The following PRKAB1 variants were observed in gnomAD, a reference collection of about 807,000 sequenced individuals.
The protein encoded by PRKAB1 is protein kinase AMP-activated non-catalytic subunit beta 1.
PRKAB1 carries 18 observed loss-of-function variants against 32.0 expected under a neutral mutation model. That is an observed-to-expected ratio of 0.56 (90% CI 0.39 to 0.83). PRKAB1 has a LOEUF of 0.83. PRKAB1 is among the 40% of genes least tolerant of loss of function. The pLI, the probability that PRKAB1 is intolerant of heterozygous loss-of-function variation, is 0.00. For missense variants in PRKAB1, 263 were observed against 352.6 expected, an observed-to-expected ratio of 0.75 and a Z score of 2.03; for synonymous variants, 141 against 141.4, an observed-to-expected ratio of 1.00 and a Z score of 0.02.
chr12:119,668,534 T>C (rs1426699999), intron 1 of PRKAB1, 131 bp downstream of exon 1: 5 of 1,265,046 alleles, frequency 4.0e-6, no homozygotes, highest in Non-Finnish European at 5.4e-6. Context: ...CCCGGTGCAC[T>C]TAAAAGCCAG....
intron 4 of PRKAB1, among the ~76,000 whole-genome samples, chr12:119,676,197 C>A (rs1955422754): frequency 6.6e-6 from 1 of 152,168 alleles, no homozygotes; most frequent in Non-Finnish European, 1.5e-5. Context: ...GTTTTGCCAG[C>A]CCAGCCTGAA....
intron 5 of PRKAB1, among the ~76,000 whole-genome samples, chr12:119,677,158 T>G (rs951097774): frequency 6.6e-6 from 1 of 152,234 alleles, no homozygotes; most frequent in Non-Finnish European, 1.5e-5. Flanking sequence ...CCAGTTCTGT[T>G]GTGATTCTGT....
chr12:119,675,636 T>TCTA (rs1466624715), intron 4 of PRKAB1, among the ~76,000 whole-genome samples: 1 of 152,252 alleles, frequency 6.6e-6, no homozygotes, highest in African/African-American at 2.4e-5. Flanking sequence ...GACTTCTGTT[T>TCTA]CGACACTTAC....
chr12:119,676,496 C>T, intron 4 of PRKAB1, 41 bp from the exon 5 acceptor site: 4 of 1,548,490 alleles, frequency 2.6e-6, no homozygotes, highest in Non-Finnish European at 3.5e-6. Context: ...TCCTAGAATG[C>T]CTGATTTTCA....
Position 119,679,774 on chromosome 12 carries a change from C to A in PRKAB1, c.667-159C>A. On this transcript the variant is annotated intron_variant, in intron 5 of 6. Coordinates refer to ENST00000229328, the MANE Select transcript of PRKAB1 (RefSeq NM_006253.5). The surrounding 1 kb of genome is among the most constrained non-coding windows in gnomAD (Gnocchi z 4.1). The stretch of plus-strand genomic sequence containing the variant: ...AGGTCAGAAGGCGTGACCTTCATCT[C>A]ACCTGTCGTCTTGGACAAGCCCTTG... 1.4e-6 allele frequency: 1 copy of A among 712,460 alleles called. No individual in the cohort carries two copies. Among genetic ancestry groups the A allele is most frequent in the African/African-American group, 1.7e-5 (1 of 57,756 alleles). 44.1% of individuals were successfully genotyped at this position (712,460 alleles called of 1,614,324 possible).
intron 1 of PRKAB1, chr12:119,671,520 C>T: frequency 2.4e-6 from 1 of 410,702 alleles, no homozygotes; most frequent in Non-Finnish European, 5.0e-6. Context: ...TGAGAGCAAG[C>T]AGGGGAAATG....
At position 119,680,729 on chromosome 12, in the gene PRKAB1, T is replaced by C; in HGVS notation, c.*404T>C. ...AAACAGGGACTGAGGCCACACATCATTTCCAGTCATCTGTGTGTTTTTAAG... is the reference window on the plus strand; with the variant it reads ...AAACAGGGACTGAGGCCACACATCACTTCCAGTCATCTGTGTGTTTTTAAG... On this transcript the variant is annotated 3_prime_UTR_variant, in exon 7 of 7. Transcript: ENST00000229328. 1 of 187,362 alleles carries C rather than the reference T, an allele frequency of 5.3e-6. No homozygotes were observed. Among genetic ancestry groups the C allele is most frequent in the African/African-American group, 2.3e-5 (1 of 42,930 alleles). The allele number at this position is 187,362 out of a possible 1,614,324, so 11.6% of individuals were successfully genotyped here. A position where few individuals can be genotyped will look rare whatever the true frequency, so the allele number is the denominator to read the frequency against.
chr12:119,681,008 G>GA lies in PRKAB1; in HGVS notation c.*685dup, dbSNP rs1285709185. 6.6e-6 allele frequency: 1 copy of GA among 152,666 alleles called. No homozygotes were observed. The highest frequency in any genetic ancestry group is 1.9e-4 in the East Asian group (1 of 5,200). 9.5% of individuals were successfully genotyped at this position (152,666 alleles called of 1,614,324 possible). ...GCCATTTTTTAAGTCACCACGTCTA[G>GA]AAGTCACATGAACTCTGCTCAGCAA... On this transcript the variant is annotated 3_prime_UTR_variant, in exon 7 of 7. Transcript: ENST00000229328.
rs1381594893 is a variant in PRKAB1 at position 119,680,762 on chromosome 12, A to G, written c.*437A>G. On this transcript the variant is annotated 3_prime_UTR_variant, in exon 7 of 7. Transcript: ENST00000229328. ...CATCTGTGTGTTTTTAAGGCCAGCC[A>G]CTTGTCCCTGTTGAGGCCTGGCTAT... 5.8e-6 allele frequency: 1 copy of G among 173,426 alleles called. No individual in the cohort carries two copies. Among genetic ancestry groups the G allele is most frequent in the Non-Finnish European group, 1.2e-5 (1 of 80,430 alleles). 10.7% of individuals were successfully genotyped at this position (173,426 alleles called of 1,614,324 possible).
rs1320257101 is a variant in PRKAB1 at position 119,679,333 on chromosome 12, C to T, written c.667-600C>T. ...AGCCTCTGGGATCCTAAGCCTACAGCAGTTGTTCTACACTTTTTTCCATTT... is the reference window on the plus strand; with the variant it reads ...AGCCTCTGGGATCCTAAGCCTACAGTAGTTGTTCTACACTTTTTTCCATTT... On this transcript the variant is annotated intron_variant, in intron 5 of 6. Coordinates refer to ENST00000229328, the MANE Select transcript of PRKAB1 (RefSeq NM_006253.5). This position sits in a 1 kb window ranked among gnomAD's most constrained non-coding sequence, Gnocchi z 4.1. 4 of 153,216 alleles carry T rather than the reference C, an allele frequency of 2.6e-5. No individual in the cohort carries two copies. Among genetic ancestry groups the T allele is most frequent in the African/African-American group, 9.7e-5 (4 of 41,442 alleles). The allele number at this position is 153,216 out of a possible 1,614,324, so 9.5% of individuals were successfully genotyped here.
rs139810340 is a variant in PRKAB1 at position 119,674,424 on chromosome 12, G to C, written c.502G>C (p.Val168Leu). The change falls in exon 4 of 7, where the codon GTG (valine) becomes CTG (leucine). Residue 168 changes from valine to leucine, a missense_variant. Coordinates refer to ENST00000229328, the MANE Select transcript of PRKAB1 (RefSeq NM_006253.5). The surrounding 1 kb of genome is among the most constrained non-coding windows in gnomAD (Gnocchi z 4.3). ...CTTTGAAGTATTTGATGCTTTAATG[G>C]TGGATTCCCAAAAGTGCTCCGATGT... is the stretch of plus-strand genomic sequence containing the variant. ...TDFEVFDALM[V>L]DSQKCSDVSE... 1,530 of 1,613,994 alleles carry C rather than the reference G, an allele frequency of 9.5e-4. 2 individuals carry two copies. The highest frequency in any genetic ancestry group is 1.2e-3 in the Non-Finnish European group (1,369 of 1,179,836).
intron 1 of PRKAB1, chr12:119,669,926 G>A (rs769843325): frequency 2.6e-5 from 4 of 152,262 alleles, no homozygotes; most frequent in Non-Finnish European, 4.4e-5. Flanking sequence ...AGCTTCTAGA[G>A]GTCAGTGGGC....
In PRKAB1 at chr12:119,674,185, G is replaced by A; in HGVS notation, c.417+128G>A. ...TCCCCGTGTGTGGCAGAGCTGAGTA[G>A]CAGCACTACCTGTCAGACAGTTGGC... On this transcript the variant is annotated intron_variant, in intron 3 of 6. Transcript: ENST00000229328. The surrounding 1 kb of genome is among the most constrained non-coding windows in gnomAD (Gnocchi z 4.3). 1.9e-6 allele frequency: 2 copies of A among 1,026,232 alleles called. No individual in the cohort carries two copies. The highest frequency in any genetic ancestry group is 1.6e-5 in the African/African-American group (1 of 62,822). The allele number at this position is 1,026,232 out of a possible 1,614,324, so 63.6% of individuals were successfully genotyped here. A position where few individuals can be genotyped will look rare whatever the true frequency, so the allele number is the denominator to read the frequency against.
rs527826940 is a variant in PRKAB1, at chr12:119,679,409, T to C, written c.667-524T>C. The C allele has an allele frequency of 6.3e-6, 1 of 157,722 alleles. No individual in the cohort carries two copies. The highest frequency in any genetic ancestry group is 1.4e-5 in the Non-Finnish European group (1 of 71,278). 9.8% of individuals were successfully genotyped at this position (157,722 alleles called of 1,614,324 possible). ...TATACAATGAAAAAATAAATCCCGATTTCTGGCTTCTCTTAAAACATAGGA... is the reference window on the plus strand; with the variant it reads ...TATACAATGAAAAAATAAATCCCGACTTCTGGCTTCTCTTAAAACATAGGA... On this transcript the variant is annotated intron_variant, in intron 5 of 6. Coordinates refer to ENST00000229328, the MANE Select transcript of PRKAB1 (RefSeq NM_006253.5). The surrounding 1 kb of genome is among the most constrained non-coding windows in gnomAD (Gnocchi z 4.1).
In PRKAB1 at chr12:119,680,899, A is replaced by G. The variant is rs1955459908; in HGVS notation, c.*574A>G. ...AAATTAGAAGCTTTCTGATTTCTAG[A>G]TGAGGTTTTACAATTGTTTCTTACA... On this transcript the variant is annotated 3_prime_UTR_variant, in exon 7 of 7. Transcript: ENST00000229328. The G allele has an allele frequency of 6.5e-6, 1 of 153,186 alleles. No individual in the cohort carries two copies. Among genetic ancestry groups the G allele is most frequent in the African/African-American group, 2.4e-5 (1 of 41,462 alleles). The allele number at this position is 153,186 out of a possible 1,614,324, so 9.5% of individuals were successfully genotyped here.
At chr12:119,668,100 C>A, upstream of PRKAB1, 1 of 1,068,266 alleles carries the variant, frequency 9.4e-7, no homozygotes, top group Non-Finnish European at 1.3e-6. Context: ...GGAACCGGCT[C>A]CCGGCCCGAG....
chr12:119,676,037 C>T (rs554869669), intron 4 of PRKAB1, among the ~76,000 whole-genome samples: 1 of 152,198 alleles, frequency 6.6e-6, no homozygotes, highest in East Asian at 1.9e-4. Flanking sequence ...TTCAATTTTC[C>T]CCCCCATTTT....
chr12:119,677,979 T>C (rs1350434399), intron 5 of PRKAB1: 1 of 152,174 alleles, frequency 6.6e-6, no homozygotes, highest in Non-Finnish European at 1.5e-5. Context: ...TTAGCCAAGA[T>C]GGTCTCGATC....
chr12:119,677,420 C>G (rs1262290721), intron 5 of PRKAB1: 1 of 152,294 alleles, frequency 6.6e-6, no homozygotes, highest in African/African-American at 2.4e-5. Context: ...TGCCGGGCTG[C>G]CAGGACAGGG....
Sources: allele counts gnomAD v4.1 joint callset (sites outside exome capture counted in the v4.1 genomes callset), GRCh38; gene constraint gnomAD v4.1.1; non-coding constraint Gnocchi (gnomAD v3.1); transcripts MANE v1.5; gene names NCBI Gene and HGNC (gene_info 2026-07-23, HGNC 2026-07-21).